The following SETBP1 variants were observed in gnomAD, a reference collection of about 807,000 sequenced individuals.
SETBP1 encodes the protein SET binding protein 1.
Under a neutral mutation model 101.0 loss-of-function variants are expected in SETBP1, and 9 were observed. The observed-to-expected ratio is 0.09, with a 90% CI of 0.05 to 0.16. The LOEUF (loss-of-function observed/expected upper bound fraction) is 0.16, where lower values mean the gene tolerates loss of function less well. SETBP1 is among the 10% of genes least tolerant of loss of function. The probability of loss-of-function intolerance (pLI) is 1.00; values close to 1 mark genes in which losing one functional copy is unlikely to be tolerated. For synonymous variants in SETBP1, 818 were observed against 788.5 expected (o/e 1.04, Z -0.63); for missense variants, 1,858 against 2,033.8 (o/e 0.91, Z 1.66).
chr18:45,010,937 A>G (rs1453088168), intron 4 of SETBP1, among the ~76,000 whole-genome samples: 2 of 152,182 alleles, frequency 1.3e-5, no homozygotes, highest in East Asian at 1.9e-4. Context: ...TTAAAAGGCA[A>G]ATGATAATTT....
In SETBP1 at chr18:44,951,426, C is replaced by G; in HGVS notation, c.2086C>G (p.Pro696Ala). 2 of 1,614,116 alleles carry G rather than the reference C, an allele frequency of 1.2e-6. No homozygotes were observed. Among genetic ancestry groups the G allele is most frequent in the African/African-American group, 1.3e-5 (1 of 75,028 alleles). ...SSVALKAKAP[P>A]ETSPGAAAIE... is the part of the protein sequence containing the mutation. ...CGTTGCTCTGAAGGCAAAAGCTCCC[C>G]CAGAGACCAGCCCTGGGGCAGCAGC... Residue 696 changes from proline to alanine, a missense_variant, in exon 4 of 6, where the codon CCA becomes GCA. Transcript: ENST00000649279. The surrounding 1 kb of genome is among the most constrained non-coding windows in gnomAD (Gnocchi z 7.8).
chr18:44,957,981 T>C (rs2071528300), intron 4 of SETBP1, among the ~76,000 whole-genome samples: 1 of 152,216 alleles, frequency 6.6e-6, no homozygotes, highest in Non-Finnish European at 1.5e-5. Flanking sequence ...TAATGGCTGT[T>C]GTGGAGTTCA....
chr18:45,018,786 G>A (rs2073000071), intron 4 of SETBP1, among the ~76,000 whole-genome samples: 2 of 152,196 alleles, frequency 1.3e-5, no homozygotes, highest in South Asian at 4.1e-4. Context: ...AATTCGAAAT[G>A]TCATGTGGCT....
intron 2 of SETBP1, among the ~76,000 whole-genome samples, chr18:44,753,796 A>T (rs1212829205): frequency 6.6e-6 from 1 of 152,236 alleles, no homozygotes; most frequent in East Asian, 1.9e-4. Context: ...GGAGGAAGGA[A>T]AAAGACTGAA....
chr18:44,906,032 TG>T (rs762949885), intron 3 of SETBP1, among the ~76,000 whole-genome samples: 29 of 152,184 alleles, frequency 1.9e-4, no homozygotes, highest in Non-Finnish European at 3.5e-4. Flanking sequence ...TCATTTCCTA[TG>T]GCCCAGCAGC....
At position 44,950,371 on chromosome 18, in the gene SETBP1, G is replaced by A. The variant is rs769329976; in HGVS notation, c.1031G>A (p.Ser344Asn). 2.4e-5 allele frequency: 39 copies of A among 1,614,112 alleles called. No homozygotes were observed. The highest frequency in any genetic ancestry group is 3.1e-5 in the Non-Finnish European group (37 of 1,180,036). Residue 344 changes from serine (S) to asparagine (N), a missense_variant, in exon 4 of 6, where the codon AGT becomes AAT. This residue lies in a region of SETBP1 where 581 missense variants were observed against 535.1 expected (regional missense o/e 1.09). Coordinates refer to ENST00000649279, the MANE Select transcript of SETBP1 (RefSeq NM_015559.3). Reference sequence around the variant, plus strand: ...AAGTCCAGTAAAAAAGATGTGATAAGTCAGACCATACCAAACCCAGACCTG... The same window carrying A: ...AAGTCCAGTAAAAAAGATGTGATAAATCAGACCATACCAAACCCAGACCTG... ...KKKSSKKDVI[S>N]QTIPNPDLDW... is the part of the protein sequence containing the mutation.
intron 2 of SETBP1, among the ~76,000 whole-genome samples, chr18:44,707,298 C>T (rs2069242625): frequency 6.6e-6 from 1 of 152,226 alleles, no homozygotes; most frequent in African/African-American, 2.4e-5. Flanking sequence ...GCCACATTTT[C>T]CCTAATTCTA....
intron 3 of SETBP1, among the ~76,000 whole-genome samples, chr18:44,884,591 G>T (rs559951642): frequency 1.3e-5 from 2 of 152,312 alleles, no homozygotes; most frequent in East Asian, 1.9e-4. Context: ...GAAGCCAGAA[G>T]AAGGTCATTA....
intron 2 of SETBP1, among the ~76,000 whole-genome samples, chr18:44,819,652 T>A (rs2072062282): frequency 1.3e-5 from 2 of 152,132 alleles, no homozygotes; most frequent in African/African-American, 2.4e-5. Flanking sequence ...TGTGACTGCA[T>A]ATTTAGCATC....
chr18:44,786,929 T>C (rs958171595), intron 2 of SETBP1, among the ~76,000 whole-genome samples: 7 of 152,188 alleles, frequency 4.6e-5, no homozygotes, highest in Non-Finnish European at 8.8e-5. Flanking sequence ...GTCAGTAGCT[T>C]TCAGTTTCTG....
chr18:44,887,868 T>C (rs1039898136), intron 3 of SETBP1, among the ~76,000 whole-genome samples: 2 of 151,902 alleles, frequency 1.3e-5, no homozygotes, highest in African/African-American at 4.8e-5. Context: ...CAAACAAAGA[T>C]CATGTCAAGG....
intron 3 of SETBP1, among the ~76,000 whole-genome samples, chr18:44,903,072 C>T (rs1172034373): frequency 6.6e-6 from 1 of 152,086 alleles, no homozygotes; most frequent in Non-Finnish European, 1.5e-5. Flanking sequence ...CATGACCATC[C>T]ACTGCTACGT....
intron 1 of SETBP1, among the ~76,000 whole-genome samples, chr18:44,698,478 C>G (rs890590831): frequency 2.0e-5 from 3 of 152,158 alleles, no homozygotes; most frequent in Admixed American, 6.5e-5. Flanking sequence ...ACCATACTTC[C>G]TAGCCAAACA....
intron 3 of SETBP1, among the ~76,000 whole-genome samples, chr18:44,943,908 C>T (rs1305668165): frequency 1.3e-5 from 2 of 151,506 alleles, no homozygotes; most frequent in Admixed American, 1.3e-4. Flanking sequence ...GATCTCAGCT[C>T]ATGGCAACCT....
chr18:44,906,400 G>A (rs2070176817), intron 3 of SETBP1, among the ~76,000 whole-genome samples: 1 of 152,144 alleles, frequency 6.6e-6, no homozygotes, highest in African/African-American at 2.4e-5. Flanking sequence ...TTTTGGTGTA[G>A]CTAGTACAAG....
chr18:44,893,891 A>G (rs1005154977), intron 3 of SETBP1, among the ~76,000 whole-genome samples: 3 of 152,134 alleles, frequency 2.0e-5, no homozygotes, highest in African/African-American at 7.2e-5. Context: ...ATACGGTCAA[A>G]ACAGTTTGAG....
chr18:45,014,303 G>A (rs371591703), intron 4 of SETBP1, among the ~76,000 whole-genome samples: 2 of 152,274 alleles, frequency 1.3e-5, no homozygotes, highest in African/African-American at 4.8e-5. Context: ...TTTAGTTTGT[G>A]GGCCACAGAC....
intron 1 of SETBP1, among the ~76,000 whole-genome samples, chr18:44,688,810 G>A (rs955670877): frequency 3.3e-5 from 5 of 152,270 alleles, no homozygotes; most frequent in Non-Finnish European, 7.4e-5. Context: ...GGGATGATTT[G>A]ATGTGAAATC....
chr18:44,924,421 C>T (rs1791421113), intron 3 of SETBP1, among the ~76,000 whole-genome samples: 1 of 152,146 alleles, frequency 6.6e-6, no homozygotes, highest in African/African-American at 2.4e-5. Flanking sequence ...GTTTTTACTC[C>T]ATCTTTAATC....
Sources: allele counts gnomAD v4.1 joint callset (sites outside exome capture counted in the v4.1 genomes callset), GRCh38; gene constraint gnomAD v4.1.1; regional missense constraint gnomAD v4.1.1; non-coding constraint Gnocchi (gnomAD v3.1); transcripts MANE v1.5; gene names NCBI Gene and HGNC (gene_info 2026-07-23, HGNC 2026-07-21).